The following MYO7A variants were observed in gnomAD, a reference collection of about 807,000 sequenced individuals.
MYO7A encodes myosin VIIA.
MYO7A carries 210 observed loss-of-function variants against 263.8 expected under a neutral mutation model. That is an observed-to-expected ratio of 0.80 (90% CI 0.71 to 0.89). The LOEUF (loss-of-function observed/expected upper bound fraction) is 0.89, where lower values mean the gene tolerates loss of function less well. MYO7A is among the 40% of genes least tolerant of loss of function. The pLI is 0.00. For synonymous variants in MYO7A, 1,239 were observed against 1,197.3 expected (o/e 1.03, Z -0.72); for missense variants, 2,820 against 2,968.3 (o/e 0.95, Z 1.16).
At chr11:77,134,536 T>C (rs1027233276) in intron 2 of MYO7A, among the ~76,000 whole-genome samples, 10 of 151,886 alleles carry the variant, frequency 6.6e-5, no homozygotes, top group Non-Finnish European at 1.3e-4. Flanking sequence ...AGTGCAATTG[T>C]GGTATACTAC....
At chr11:77,203,356 C>T (rs1957207664) in intron 38 of MYO7A, 139 bp downstream of exon 38, 1 of 979,860 alleles carries the variant, frequency 1.0e-6, no homozygotes, top group Admixed American at 2.8e-5. Flanking sequence ...TCCCTTGCAC[C>T]TTTTGATATG....
At chr11:77,208,661 G>T (rs1774698010) in intron 43 of MYO7A, 36 bp from the exon 44 acceptor site, 1 of 1,530,358 alleles carries the variant, frequency 6.5e-7, no homozygotes, top group Non-Finnish European at 8.9e-7. Flanking sequence ...CCTCTGTGCA[G>T]GGACCCTCTG....
At position 77,182,003 on chromosome 11, in the gene MYO7A, T is replaced by C; in HGVS notation, c.2957T>C (p.Leu986Pro). The C allele has an allele frequency of 6.2e-7, 1 of 1,613,348 alleles. No homozygotes were observed. The highest frequency in any genetic ancestry group is 2.2e-5 in the East Asian group (1 of 44,854). Reference sequence around the variant, plus strand: ...GTGGAGGAGGACCTGGATGCAGCCCTGCCCCTGCCTGACGAGGATGAGGAG... The same window carrying C: ...GTGGAGGAGGACCTGGATGCAGCCCCGCCCCTGCCTGACGAGGATGAGGAG... ...EMVEEDLDAALPLPDEDEEDL... is the reference protein window; with the variant it reads ...EMVEEDLDAAPPLPDEDEEDL... The change falls in exon 24 of 49, where the codon CTG becomes CCG. Residue 986 changes from leucine to proline, a missense_variant. By Grantham distance (98) the Leu-to-Pro change is moderately conservative. Transcript: ENST00000409709.
intron 19 of MYO7A, among the ~76,000 whole-genome samples, chr11:77,178,555 G>C (rs993259751): frequency 2.0e-5 from 3 of 152,244 alleles, no homozygotes; most frequent in Non-Finnish European, 4.4e-5. Flanking sequence ...GCAGACCCCT[G>C]CTGTCTGTGC....
Position 77,214,745 on chromosome 11 carries a change from G to A in MYO7A, c.*49G>A, listed in dbSNP as rs781585527. The A allele has an allele frequency of 1.4e-6, 2 of 1,433,420 alleles. No homozygotes were observed. Among genetic ancestry groups the A allele is most frequent in the South Asian group, 2.5e-5 (2 of 81,078 alleles). 88.8% of individuals were successfully genotyped at this position (1,433,420 alleles called of 1,614,324 possible). A position where few individuals can be genotyped will look rare whatever the true frequency, so the allele number is the denominator to read the frequency against. ...CCATGCCTGCTCTCGAGGCAGCAGT[G>A]GGTTCAGGCCCATCAGCTACCCCTG... On this transcript the variant is annotated 3_prime_UTR_variant, in exon 49 of 49. Transcript: ENST00000409709.
At chr11:77,193,046 G>T (rs1426636222) in intron 31 of MYO7A, among the ~76,000 whole-genome samples, 3 of 147,416 alleles carry the variant, frequency 2.0e-5, no homozygotes, top group Non-Finnish European at 3.0e-5. Flanking sequence ...GGTGATGGTG[G>T]AGGTGGTGAT....
intron 15 of MYO7A, among the ~76,000 whole-genome samples, chr11:77,171,413 C>T (rs1273317928): frequency 6.6e-6 from 1 of 152,180 alleles, no homozygotes; most frequent in Non-Finnish European, 1.5e-5. Context: ...TGACCACCAC[C>T]CTACCGCATT....
Position 77,194,346 on chromosome 11 carries a change from C to T in MYO7A, c.4153-8C>T, listed in dbSNP as rs143216377. 1.0e-3 allele frequency: 1,679 copies of T among 1,609,654 alleles called. 1 individual carries two copies. Among genetic ancestry groups the T allele is most frequent in the Non-Finnish European group, 1.3e-3 (1,562 of 1,178,150 alleles). Reference sequence around the variant, plus strand: ...GCCAATGCATGACCGAGGCCTCCCCCCACCTAGGAGGACGACCTGGCTGAG... The same window carrying T: ...GCCAATGCATGACCGAGGCCTCCCCTCACCTAGGAGGACGACCTGGCTGAG... On this transcript the variant is annotated splice_polypyrimidine_tract_variant and splice_region_variant and intron_variant, in intron 31 of 48. Coordinates refer to ENST00000409709, the MANE Select transcript of MYO7A (RefSeq NM_000260.4).
intron 2 of MYO7A, among the ~76,000 whole-genome samples, chr11:77,132,769 G>C (rs12802419): frequency 0.053 from 8,025 of 152,248 alleles, 304 homozygotes; most frequent in Non-Finnish European, 0.079. Context: ...TTACAGGCGT[G>C]AGCCACCGCA....
chr11:77,164,539 A>G lies in MYO7A; in HGVS notation c.1691-1517A>G, dbSNP rs562164045. Among the ~76,000 whole-genome samples, 4 of 152,334 alleles carry G rather than the reference A, an allele frequency of 2.6e-5. No homozygotes were observed. In the East Asian group the frequency reaches 7.7e-4, roughly 29 times the overall value. On this transcript the variant is annotated intron_variant, in intron 14 of 48. Coordinates refer to ENST00000409709, the MANE Select transcript of MYO7A (RefSeq NM_000260.4). ...AGCCAGGCTGCAGTGGTAGAATCTGATGGCGGCTCAGATTCCCTTACAATA... is the reference window on the plus strand; with the variant it reads ...AGCCAGGCTGCAGTGGTAGAATCTGGTGGCGGCTCAGATTCCCTTACAATA...
Position 77,199,793 on chromosome 11 carries a change from G to T in MYO7A, c.4827G>T (p.Val1609=). 6.2e-7 allele frequency: 1 copy of T among 1,601,706 alleles called. No homozygotes were observed. Among genetic ancestry groups the T allele is most frequent in the Non-Finnish European group, 8.5e-7 (1 of 1,170,582 alleles). The part of the protein sequence containing the change: ...EGLRKRSKYV[V]ALQDNPNPAG... Reference sequence around the variant, plus strand: ...TCCGGAAGAGATCTAAGTATGTTGTGGCCCTGCAGGATAACCCCAACCCCG... The same window carrying T: ...TCCGGAAGAGATCTAAGTATGTTGTTGCCCTGCAGGATAACCCCAACCCCG... Residue 1609 remains valine (V), a synonymous_variant, in exon 35 of 49, where the codon GTG becomes GTT. Transcript: ENST00000409709.
chr11:77,182,577 C>T lies in MYO7A; in HGVS notation c.3262C>T (p.Gln1088Ter), dbSNP rs376535635. ...LGKKTYKREL[Q>*]ALQGEGEAQL... Reference sequence around the variant, plus strand: ...CAAGAAGACGTACAAGAGGGAGCTGCAGGCCCTGCAGGGCGAGGGCGAGGT... The same window carrying T: ...CAAGAAGACGTACAAGAGGGAGCTGTAGGCCCTGCAGGGCGAGGGCGAGGT... The change falls in exon 25 of 49, where the codon CAG becomes TAG. Residue 1088 changes from glutamine (Q) to a stop codon, truncating the protein, a stop_gained. Transcript: ENST00000409709. LOFTEE classifies it high-confidence loss of function. 4 of 1,612,966 alleles carry T rather than the reference C, an allele frequency of 2.5e-6. No individual in the cohort carries two copies. The highest frequency in any genetic ancestry group is 3.4e-6 in the Non-Finnish European group (4 of 1,179,848).
intron 4 of MYO7A, among the ~76,000 whole-genome samples, chr11:77,151,856 A>G (rs1555057361): frequency 6.6e-6 from 1 of 152,216 alleles, no homozygotes; most frequent in Admixed American, 6.5e-5. Flanking sequence ...TGGCTCTGTC[A>G]GTCCCATGAG....
In MYO7A at chr11:77,166,052, G is replaced by A. The variant is rs200382919; in HGVS notation, c.1691-4G>A. 7.4e-6 allele frequency: 12 copies of A among 1,612,352 alleles called. No individual in the cohort carries two copies. Among genetic ancestry groups the A allele is most frequent in the Middle Eastern group, 1.6e-4 (1 of 6,082 alleles). On this transcript the variant is annotated splice_polypyrimidine_tract_variant and splice_region_variant and intron_variant, in intron 14 of 48. Transcript: ENST00000409709. ...GAGAGGTGACTGCTGTTTGCTGCTT[G>A]CAGGCTTCCTGGAGAAGAACCGAGA...
At chr11:77,205,655 C>T (rs779567899) in intron 40 of MYO7A, 38 bp downstream of exon 40, 61 of 1,610,098 alleles carry the variant, frequency 3.8e-5, no homozygotes, top group East Asian at 1.3e-4. Flanking sequence ...GACACTGGGG[C>T]GGGCTCCTGG....
At chr11:77,133,513 G>C in intron 2 of MYO7A, among the ~76,000 whole-genome samples, 1 of 152,210 alleles carries the variant, frequency 6.6e-6, no homozygotes, top group East Asian at 1.9e-4. Context: ...ATCTATGTCT[G>C]ATAGTGTAGT....
chr11:77,203,120 G>GC lies in MYO7A; in HGVS notation c.5230dup (p.Leu1744ProfsTer21), dbSNP rs1957186295. On this transcript the variant is annotated frameshift_variant, in exon 38 of 49. Transcript: ENST00000409709. LOFTEE classifies it high-confidence loss of function. ...TGTCCAAGGCCCGAGGCAAGGACCG[G>GC]CTGTGGAGCCACACGCGGGAACCGC... 1 of 1,549,778 alleles carries GC rather than the reference G, an allele frequency of 6.5e-7. No homozygotes were observed. Among genetic ancestry groups the GC allele is most frequent in the Non-Finnish European group, 8.7e-7 (1 of 1,147,474 alleles).
In MYO7A at chr11:77,211,154, G is replaced by A. The variant is rs1239820996; in HGVS notation, c.6054G>A (p.Glu2018=). The change falls in exon 45 of 49, where the codon GAG becomes GAA. Residue 2018 remains glutamate, a splice_region_variant and synonymous_variant. Transcript: ENST00000409709. ...GTGACCTGCTCTGTCTCTGACAGGAGTTGCCCAAGTATCTCCGAGGCTACC... is the reference window on the plus strand; with the variant it reads ...GTGACCTGCTCTGTCTCTGACAGGAATTGCCCAAGTATCTCCGAGGCTACC... ...MADSIFHYYQ[E]LPKYLRGYHK... 10 of 1,572,320 alleles carry A rather than the reference G, an allele frequency of 6.4e-6. No individual in the cohort carries two copies. Among genetic ancestry groups the A allele is most frequent in the African/African-American group, 1.3e-5 (1 of 74,146 alleles).
At chr11:77,162,070 G>T (rs1555069177) in intron 12 of MYO7A, 50 bp from the exon 13 acceptor site, 1 of 1,523,474 alleles carries the variant, frequency 6.6e-7, no homozygotes, top group Non-Finnish European at 8.9e-7. Context: ...GCCCTGAACA[G>T]CATGGTGGGG....
Sources: gnomAD v4.1 joint callset for allele counts (sites outside exome capture counted in the v4.1 genomes callset) on GRCh38, gnomAD v4.1.1 for gene constraint, MANE v1.5 for transcripts, NCBI Gene and HGNC (gene_info 2026-07-23, HGNC 2026-07-21) for gene names.